Variants in CLASP1 observed in about 807,000 individuals in gnomAD.
CLASP1 encodes CLIP-associating protein 1.
In CLASP1, 38 loss-of-function variants were observed where a neutral mutation model predicts 192.3. The observed-to-expected ratio is 0.20, with a 90% CI of 0.15 to 0.26. The LOEUF is 0.26. CLASP1 is among the 10% of genes least tolerant of loss of function. CLASP1 has a pLI of 1.00. For missense variants in CLASP1, 1,433 were observed against 1,932.5 expected, an observed-to-expected ratio of 0.74 and a Z score of 4.85; for synonymous variants, 691 against 712.8, an observed-to-expected ratio of 0.97 and a Z score of 0.49.
chr2:121,402,494 C>T (rs1394354970), intron 26 of CLASP1: 4 of 476,350 alleles, frequency 8.4e-6, no homozygotes, highest in Non-Finnish European at 1.7e-5. Context: ...CCAGGGGTCT[C>T]CTGTGAGACA....
At chr2:121,502,543 G>A (rs910729940) in intron 8 of CLASP1, among the ~76,000 whole-genome samples, 1 of 152,200 alleles carries the variant, frequency 6.6e-6, no homozygotes, top group Non-Finnish European at 1.5e-5. Flanking sequence ...AGGTCCTGAA[G>A]CAGGAGATGC....
At chr2:121,488,431 G>A (rs966117626) in intron 8 of CLASP1, among the ~76,000 whole-genome samples, 13 of 152,194 alleles carry the variant, frequency 8.5e-5, no homozygotes, top group Non-Finnish European at 1.3e-4. Flanking sequence ...GGACAGCCAT[G>A]CTGCCAGTCC....
In CLASP1 at chr2:121,565,254, G is replaced by A. The variant is rs184931278; in HGVS notation, c.196-34929C>T. ...GTCTCCCTAGGCATGAGTTCCTCAGGGCAGGAACTAGGTCTCATTCTGCTC... is the reference window on the plus strand; with the variant it reads ...GTCTCCCTAGGCATGAGTTCCTCAGAGCAGGAACTAGGTCTCATTCTGCTC... On this transcript the variant is annotated intron_variant, in intron 2 of 39. Transcript: ENST00000263710. Among the ~76,000 whole-genome samples, 693 of 152,246 alleles carry A rather than the reference G, an allele frequency of 4.6e-3. 13 individuals are homozygous for A. The highest frequency in any genetic ancestry group is 0.026 in the Admixed American group (399 of 15,300).
chr2:121,539,220 T>G (rs1461201822), intron 2 of CLASP1, among the ~76,000 whole-genome samples: 1 of 152,182 alleles, frequency 6.6e-6, no homozygotes. Flanking sequence ...CTCTTTTGGT[T>G]AAACAAGGTG....
Position 121,417,068 on chromosome 2 carries a change from G to A in CLASP1, c.2320+1554C>T, listed in dbSNP as rs535631823. 2.6e-5 allele frequency among the ~76,000 whole-genome samples: 4 copies of A among 152,304 alleles called. No homozygotes were observed. In the East Asian group the frequency reaches 5.8e-4, roughly 22 times the overall value. The stretch of plus-strand genomic sequence containing the variant: ...AAGACGTGCTGATGCTAGAGCCTGT[G>A]AGGACCCACGCCTTCTGCCTTGGTA... On this transcript the variant is annotated intron_variant, in intron 23 of 39. Coordinates refer to ENST00000263710, the Ensembl canonical transcript of CLASP1.
intron 23 of CLASP1, among the ~76,000 whole-genome samples, chr2:121,416,710 G>A (rs2078647150): frequency 6.6e-6 from 1 of 152,168 alleles, no homozygotes; most frequent in African/African-American, 2.4e-5. Flanking sequence ...AGAAACAGAT[G>A]AAAGACACTG....
intron 1 of CLASP1, among the ~76,000 whole-genome samples, chr2:121,637,408 GA>G (rs1389385498): frequency 1.3e-5 from 2 of 150,330 alleles, no homozygotes; most frequent in African/African-American, 2.4e-5. Flanking sequence ...CTATCTACAT[GA>G]AAAAAAAAGA....
At chr2:121,409,805 G>A (rs2077437436) in intron 24 of CLASP1, among the ~76,000 whole-genome samples, 1 of 152,174 alleles carries the variant, frequency 6.6e-6, no homozygotes, top group Admixed American at 6.5e-5. Flanking sequence ...GGTTAGAGCA[G>A]TTACCCTGAA....
chr2:121,594,415 C>CG (rs2062858352), intron 2 of CLASP1, among the ~76,000 whole-genome samples: 1 of 149,418 alleles, frequency 6.7e-6, no homozygotes, highest in African/African-American at 2.5e-5. Flanking sequence ...TTTTAAGAGA[C>CG]GGAGTCTTGC....
At chr2:121,441,618 C>T (rs1456484417) in intron 19 of CLASP1, among the ~76,000 whole-genome samples, 1 of 152,078 alleles carries the variant, frequency 6.6e-6, no homozygotes, top group Non-Finnish European at 1.5e-5. Context: ...GTAGTCCCAG[C>T]TACTCTGACA....
chr2:121,512,441 G>A (rs2094165838), intron 7 of CLASP1, among the ~76,000 whole-genome samples: 1 of 152,140 alleles, frequency 6.6e-6, no homozygotes, highest in Non-Finnish European at 1.5e-5. Flanking sequence ...TTTATTTTCT[G>A]AACATATATA....
At chr2:121,389,271 T>C (rs2073917465) in intron 30 of CLASP1, among the ~76,000 whole-genome samples, 1 of 152,198 alleles carries the variant, frequency 6.6e-6, no homozygotes. Context: ...ATAATATTTT[T>C]ATGACATGGG....
intron 8 of CLASP1, among the ~76,000 whole-genome samples, chr2:121,496,796 C>T (rs1287305635): frequency 6.6e-6 from 1 of 152,120 alleles, no homozygotes; most frequent in African/African-American, 2.4e-5. Flanking sequence ...GGTGCCTGCC[C>T]ACACTTAACA....
exon 35 of CLASP1, chr2:121,367,637 G>C: frequency 6.2e-7 from 1 of 1,614,032 alleles, no homozygotes; most frequent in Non-Finnish European, 8.5e-7. Flanking sequence ...CTTTCAGGGC[G>C]GTCTTGTCGT....
intron 39 of CLASP1, 27 bp downstream of exon 40, chr2:121,347,011 T>C (rs367556359): frequency 1.2e-5 from 17 of 1,396,872 alleles, no homozygotes; most frequent in Non-Finnish European, 1.7e-5. Context: ...CAGGTGTGCG[T>C]ATCAGCCCAG....
intron 36 of CLASP1, 58 bp downstream of exon 37, chr2:121,365,036 G>T (rs2067119831): frequency 3.3e-6 from 5 of 1,499,322 alleles, no homozygotes; most frequent in Non-Finnish European, 4.6e-6. Context: ...AATAAGAAAA[G>T]GACATCGTGA....
chr2:121,621,521 T>C (rs980297896), intron 1 of CLASP1, among the ~76,000 whole-genome samples: 2 of 152,312 alleles, frequency 1.3e-5, no homozygotes, highest in East Asian at 1.9e-4. Context: ...TCCAAATTCC[T>C]TTTTTTGTTG....
intron 6 of CLASP1, among the ~76,000 whole-genome samples, chr2:121,516,504 G>A (rs1481916347): frequency 6.6e-6 from 1 of 152,220 alleles, no homozygotes; most frequent in East Asian, 1.9e-4. Flanking sequence ...GAGGAAGTAC[G>A]CCGGTCTGGC....
rs992623311 is a variant in CLASP1 at position 121,431,299 on chromosome 2, C to CA, written c.1913-1123dup. Reference sequence around the variant, plus strand: ...TTATAAATAAACTCTATAATCTATACAGAAGTGAAAAGCTATACCATTTAC... The same window carrying CA: ...TTATAAATAAACTCTATAATCTATACAAGAAGTGAAAAGCTATACCATTTAC... On this transcript the variant is annotated intron_variant, in intron 19 of 39. Transcript: ENST00000263710. Among the ~76,000 whole-genome samples the CA allele has an allele frequency of 9.2e-5, 14 of 152,234 alleles. No individual in the cohort carries two copies. In the East Asian group the frequency reaches 1.7e-3, roughly 19 times the overall value.
Sources: gnomAD v4.1 joint callset for allele counts (sites outside exome capture counted in the v4.1 genomes callset) on GRCh38, gnomAD v4.1.1 for gene constraint, MANE v1.5 for transcripts, NCBI Gene and HGNC (gene_info 2026-07-23, HGNC 2026-07-21) for gene names.